SMIM45: variants seen among roughly 807,000 people sequenced by gnomAD.
SMIM45 encodes long intergenic non-protein coding RNA 634.
the SMIM45 span, chr22:41,952,273 C>G: frequency 6.5e-6 from 1 of 152,678 alleles, no homozygotes; most frequent in Non-Finnish European, 1.5e-5. Flanking sequence ...TCTGCCCTAT[C>G]TCTGCCTCCA....
the SMIM45 span, among the ~76,000 whole-genome samples, chr22:41,947,329 C>A: frequency 6.6e-6 from 1 of 151,932 alleles, no homozygotes; most frequent in East Asian, 1.9e-4. Flanking sequence ...TTAGTGATTC[C>A]TTTGTTCACT....
the SMIM45 span, among the ~76,000 whole-genome samples, chr22:41,957,294 C>T: frequency 6.8e-6 from 1 of 147,998 alleles, no homozygotes; most frequent in African/African-American, 2.5e-5. Flanking sequence ...CCCAGGTTCA[C>T]GACATTCTCC....
chr22:41,955,266 A>C, the SMIM45 span, among the ~76,000 whole-genome samples: 1 of 150,434 alleles, frequency 6.6e-6, no homozygotes, highest in African/African-American at 2.4e-5. Flanking sequence ...CTGGAACTCC[A>C]CCTCCTGGGT....
the SMIM45 span, chr22:41,958,458 C>A: frequency 4.6e-6 from 2 of 430,650 alleles, no homozygotes; most frequent in Admixed American, 2.5e-5. Flanking sequence ...AGGGATAAGA[C>A]CGTGGTAGAG....
chr22:41,951,867 A>G, the SMIM45 span, among the ~76,000 whole-genome samples: 1 of 152,014 alleles, frequency 6.6e-6, no homozygotes, highest in Non-Finnish European at 1.5e-5. Context: ...CTGCTCCCCA[A>G]ATGGCAGACC....
the SMIM45 span, among the ~76,000 whole-genome samples, chr22:41,955,184 AT>A: frequency 0.18 from 26,132 of 147,210 alleles, 2,775 homozygotes; most frequent in African/African-American, 0.28. Flanking sequence ...TTTTATTTTA[AT>A]TTTTTTTTTT....
chr22:41,957,307 C>T, the SMIM45 span, among the ~76,000 whole-genome samples: 5 of 149,422 alleles, frequency 3.3e-5, no homozygotes, highest in African/African-American at 1.2e-4. Context: ...CATTCTCCTG[C>T]GTCAGCCTCC....
At chr22:41,954,351 T>TG in the SMIM45 span, among the ~76,000 whole-genome samples, 1 of 151,360 alleles carries the variant, frequency 6.6e-6, no homozygotes, top group Non-Finnish European at 1.5e-5. Context: ...GGATTACAGG[T>TG]GCCTGCCACC....
chr22:41,950,329 C>T, the SMIM45 span, among the ~76,000 whole-genome samples: 1 of 152,142 alleles, frequency 6.6e-6, no homozygotes, highest in Non-Finnish European at 1.5e-5. Flanking sequence ...CCTGAACATA[C>T]CTTCACCCCA....
the SMIM45 span, among the ~76,000 whole-genome samples, chr22:41,954,925 C>A: frequency 6.6e-6 from 1 of 152,010 alleles, no homozygotes; most frequent in African/African-American, 2.4e-5. Flanking sequence ...GCAGGAGAAT[C>A]GCTTGAAGGT....
chr22:41,957,865 C>G, the SMIM45 span: 1 of 158,182 alleles, frequency 6.3e-6, no homozygotes, highest in South Asian at 1.8e-4. Context: ...TGCGCGACAA[C>G]CTGGCCTTCG....
the SMIM45 span, chr22:41,958,859 C>G: frequency 6.2e-6 from 1 of 160,978 alleles, no homozygotes; most frequent in Non-Finnish European, 1.4e-5. Context: ...AGATTGGCAA[C>G]CTGCCTCACC....
the SMIM45 span, chr22:41,958,146 T>C: frequency 2.8e-6 from 1 of 357,422 alleles, no homozygotes; most frequent in Non-Finnish European, 5.7e-6. Flanking sequence ...CCTCCCAAGC[T>C]CAGGGGCATC....
At chr22:41,955,497 T>A in the SMIM45 span, among the ~76,000 whole-genome samples, 1 of 151,942 alleles carries the variant, frequency 6.6e-6, no homozygotes, top group African/African-American at 2.4e-5. Context: ...TCTTTAGGCA[T>A]TGTCTTGTTA....
the SMIM45 span, among the ~76,000 whole-genome samples, chr22:41,953,001 C>A: frequency 6.6e-6 from 1 of 152,200 alleles, no homozygotes; most frequent in African/African-American, 2.4e-5. Context: ...TGCACTCTCT[C>A]CAGCTCCCCA....
chr22:41,958,576 G>C, the SMIM45 span: 1 of 353,228 alleles, frequency 2.8e-6, no homozygotes, highest in Non-Finnish European at 5.6e-6. Flanking sequence ...GGGGGCCCCA[G>C]GCAGGGCAGG....
chr22:41,951,705 T>G, the SMIM45 span, among the ~76,000 whole-genome samples: 1 of 152,198 alleles, frequency 6.6e-6, no homozygotes, highest in Non-Finnish European at 1.5e-5. Flanking sequence ...TTGAAAACAG[T>G]GTCTGGTGCA....
chr22:41,948,382 T>C, the SMIM45 span, among the ~76,000 whole-genome samples: 1 of 152,144 alleles, frequency 6.6e-6, no homozygotes, highest in Non-Finnish European at 1.5e-5. Context: ...CTTAGTTTGA[T>C]GGGGGTGGGA....
At chr22:41,954,549 A>G in the SMIM45 span, among the ~76,000 whole-genome samples, 1 of 152,212 alleles carries the variant, frequency 6.6e-6, no homozygotes, top group Non-Finnish European at 1.5e-5. Flanking sequence ...TGCCAAGTGA[A>G]CAAGAATGCA....
Sources: gnomAD v4.1 joint callset for allele counts (sites outside exome capture counted in the v4.1 genomes callset) on GRCh38, gnomAD v4.1.1 for gene constraint, MANE v1.5 for transcripts, NCBI Gene and HGNC (gene_info 2026-07-23, HGNC 2026-07-21) for gene names.